The following STXBP2 variants were observed in gnomAD, a reference collection of about 807,000 sequenced individuals.
STXBP2 encodes the protein syntaxin-binding protein 2.
STXBP2 carries 47 observed loss-of-function variants against 72.2 expected under a neutral mutation model. That is an observed-to-expected ratio of 0.65 (90% CI 0.51 to 0.83). STXBP2 has a LOEUF of 0.83. Among genes scored for constraint, STXBP2 ranks in the 40% least tolerant of loss-of-function variants. The pLI, the probability that STXBP2 is intolerant of heterozygous loss-of-function variation, is 0.00. For synonymous variants in STXBP2, 367 were observed against 338.7 expected (o/e 1.08, Z -0.92); for missense variants, 702 against 807.6 (o/e 0.87, Z 1.58).
rs1441298761 is a variant in STXBP2, at chr19:7,642,307, G to A, written c.768G>A (p.Leu256=). Residue 256 remains leucine (L), a synonymous_variant, in exon 9 of 19, where the codon CTG becomes CTA. Coordinates refer to ENST00000221283, the MANE Select transcript of STXBP2 (RefSeq NM_006949.4). The surrounding 1 kb of genome is among the most constrained non-coding windows in gnomAD (Gnocchi z 6.0). Reference sequence around the variant, plus strand: ...CGTTCCAGGCCATGGCGTATGATCTGCTGGACATAGAGCAGGACACATACA... The same window carrying A: ...CGTTCCAGGCCATGGCGTATGATCTACTGGACATAGAGCAGGACACATACA... The part of the protein sequence containing the change: ...ELTFQAMAYD[L]LDIEQDTYRY... 3.1e-6 allele frequency: 5 copies of A among 1,614,026 alleles called. No homozygotes were observed. Among genetic ancestry groups the A allele is most frequent in the South Asian group, 1.1e-5 (1 of 91,086 alleles).
At chr19:7,637,023 G>A (rs1371965326), upstream of STXBP2, 1 of 1,074,200 alleles carries the variant, frequency 9.3e-7, no homozygotes, top group Non-Finnish European at 1.2e-6. Flanking sequence ...AACCGACGGC[G>A]GGGAGGGGCC....
rs539370500 is a variant in STXBP2 at position 7,640,121 on chromosome 19, CGTGTGT to C, written c.246+315_246+320del. 505 of 517,726 alleles carry C rather than the reference CGTGTGT, an allele frequency of 9.8e-4. 1 individual carries two copies. The African/African-American group carries it at 0.011, about 11-fold the overall frequency. The allele number at this position is 517,726 out of a possible 1,614,324, so 32.1% of individuals were successfully genotyped here. A position where few individuals can be genotyped will look rare whatever the true frequency, so the allele number is the denominator to read the frequency against. On this transcript the variant is annotated intron_variant, in intron 4 of 18. Coordinates refer to ENST00000221283, the MANE Select transcript of STXBP2 (RefSeq NM_006949.4). Reference sequence around the variant, plus strand: ...ATTTGTGTCTGTGCATGTGTGTATGCGTGTGTATGTATGTGTGTGTGCATCTGTGTG... The same window carrying C: ...ATTTGTGTCTGTGCATGTGTGTATGCATGTATGTGTGTGTGCATCTGTGTG...
chr19:7,644,848 T>G (rs764727794), intron 14 of STXBP2, 96 bp downstream of exon 14: 2 of 1,587,592 alleles, frequency 1.3e-6, no homozygotes, highest in South Asian at 2.3e-5. Flanking sequence ...CTTGGGTCAT[T>G]TGCACTCACC....
rs747472367 is a variant in STXBP2 at position 7,641,005 on chromosome 19, T to TACGGCCC, written c.429+3_429+9dup. On this transcript the variant is annotated splice_region_variant and intron_variant, in intron 6 of 18. Coordinates refer to ENST00000221283, the MANE Select transcript of STXBP2 (RefSeq NM_006949.4). ...GCCTTCCTCCCCTACGAGGCCCAGG[T>TACGGCCC]ACGGCCCGGGCTCATCCTGGGCAGG... The TACGGCCC allele has an allele frequency of 5.6e-6, 9 of 1,613,888 alleles. No homozygotes were observed. In the African/African-American group the frequency reaches 9.3e-5, roughly 17 times the overall value.
In STXBP2 at chr19:7,642,249, C is replaced by G; in HGVS notation, c.710C>G (p.Ala237Gly). ...CAGCTGCTGATAATGGACCGGGCAG[C>G]TGACCCCGTGTCCCCACTACTGCAT... Reference protein sequence around the residue: ...RSQLLIMDRAADPVSPLLHEL... With the variant: ...RSQLLIMDRAGDPVSPLLHEL... Residue 237 changes from alanine to glycine, a missense_variant, in exon 9 of 19, where the codon GCT becomes GGT. Ala to Gly is a moderately conservative substitution (Grantham distance 60). Coordinates refer to ENST00000221283, the MANE Select transcript of STXBP2 (RefSeq NM_006949.4). The surrounding 1 kb of genome is among the most constrained non-coding windows in gnomAD (Gnocchi z 6.0). 6.2e-6 allele frequency: 10 copies of G among 1,614,182 alleles called. No individual in the cohort carries two copies. The highest frequency in any genetic ancestry group is 8.5e-6 in the Non-Finnish European group (10 of 1,180,026).
At chr19:7,631,741 G>A in the STXBP2 span, 2 of 1,448,334 alleles carry the variant, frequency 1.4e-6, no homozygotes, top group South Asian at 1.6e-5. Flanking sequence ...GAAGCCGAGA[G>A]CGGTCGGGTC....
upstream of STXBP2, chr19:7,636,770 C>T: frequency 4.6e-6 from 1 of 216,548 alleles, no homozygotes; most frequent in Non-Finnish European, 9.1e-6. Flanking sequence ...CAGGCCCAGA[C>T]AGTGGCGGCC....
chr19:7,640,442 A>G (rs1354031246), intron 4 of STXBP2: 9 of 601,964 alleles, frequency 1.5e-5, no homozygotes, highest in African/African-American at 9.0e-5. Context: ...GTGTGTGTGC[A>G]TGTGTGTATG....
chr19:7,647,680 G>A lies in STXBP2; in HGVS notation c.1697-45G>A, dbSNP rs750534791. 4.3e-6 allele frequency: 7 copies of A among 1,610,318 alleles called. No homozygotes were observed. The Admixed American group carries it at 1.2e-4, about 27-fold the overall frequency. On this transcript the variant is annotated intron_variant, in intron 18 of 18. Transcript: ENST00000221283. The stretch of plus-strand genomic sequence containing the variant: ...GGACCGGGAGCCTGTCAAAGACGAA[G>A]GCAGCGCCCCCCAACATCTTCCCCA...
chr19:7,643,931 G>C (rs1339906551), intron 13 of STXBP2, among the ~76,000 whole-genome samples: 1 of 150,256 alleles, frequency 6.7e-6, no homozygotes, highest in Non-Finnish European at 1.5e-5. Context: ...GTAGGAGCTG[G>C]GAGACAGGTA....
upstream of STXBP2, chr19:7,632,772 C>CG (rs2031379174): frequency 6.4e-7 from 1 of 1,567,974 alleles, no homozygotes; most frequent in Non-Finnish European, 8.6e-7. The surrounding 1 kb of genome is among the most constrained non-coding windows in gnomAD (Gnocchi z 5.2). Flanking sequence ...TCCCTCCATC[C>CG]GGTCGCCCTG....
At chr19:7,633,070 T>C (rs35020672), upstream of STXBP2, 453,632 of 1,324,902 alleles carry the variant, frequency 0.34, 80,229 homozygotes, top group Non-Finnish European at 0.37. Context: ...GTGGTACCGC[T>C]TCAAGGGACA....
Position 7,644,638 on chromosome 19 carries a change from G to A in STXBP2, c.1132G>A (p.Glu378Lys). ...GGACCTGGCCATGGGCTCCGACGCA[G>A]AGGGGGAGAAGATCAAGGACTCCAT... ...EQDLAMGSDA[E>K]GEKIKDSMKL... is the part of the protein sequence containing the mutation. The change falls in exon 14 of 19, where the codon GAG (glutamate) becomes AAG (lysine). Residue 378 changes from glutamate to lysine, a missense_variant. Coordinates refer to ENST00000221283, the MANE Select transcript of STXBP2 (RefSeq NM_006949.4). The A allele has an allele frequency of 1.2e-6, 2 of 1,613,310 alleles. No homozygotes were observed. The highest frequency in any genetic ancestry group is 1.7e-6 in the Non-Finnish European group (2 of 1,179,820).
chr19:7,642,387 C>T lies in STXBP2; in HGVS notation c.795-42C>T. On this transcript the variant is annotated intron_variant, in intron 9 of 18. Transcript: ENST00000221283. This position sits in a 1 kb window ranked among gnomAD's most constrained non-coding sequence, Gnocchi z 6.0. ...CTTGCCACTGACCTGGTTCCCCAGTCCTCAGCTCCCCTGACCCCCAGGCTC... is the reference window on the plus strand; with the variant it reads ...CTTGCCACTGACCTGGTTCCCCAGTTCTCAGCTCCCCTGACCCCCAGGCTC... The T allele has an allele frequency of 1.2e-6, 2 of 1,613,380 alleles. No individual in the cohort carries two copies. Among genetic ancestry groups the T allele is most frequent in the Non-Finnish European group, 1.7e-6 (2 of 1,179,398 alleles).
chr19:7,641,991 C>T, intron 7 of STXBP2, 43 bp from the exon 8 acceptor site: 1 of 1,611,956 alleles, frequency 6.2e-7, no homozygotes, highest in Non-Finnish European at 8.5e-7. Flanking sequence ...CATCCTTGAC[C>T]CCATCCCCTG....
chr19:7,637,308 G>C, intron 1 of STXBP2, 122 bp downstream of exon 1: 1 of 643,118 alleles, frequency 1.6e-6, no homozygotes, highest in Non-Finnish European at 2.0e-6. Flanking sequence ...GGGCGTCCGA[G>C]CACCTGACCC....
chr19:7,638,952 C>T, intron 2 of STXBP2, 67 bp from the exon 3 acceptor site: 1 of 1,602,772 alleles, frequency 6.2e-7, no homozygotes. Context: ...CTGCCTTGGC[C>T]CCTTCTGGGG....
In STXBP2 at chr19:7,642,067, C is replaced by T. The variant is rs113033216; in HGVS notation, c.612C>T (p.Ala204=). The T allele has an allele frequency of 4.1e-5, 66 of 1,614,070 alleles. No individual in the cohort carries two copies. The highest frequency in any genetic ancestry group is 5.4e-5 in the Non-Finnish European group (64 of 1,179,990). Reference sequence around the variant, plus strand: ...AGGACACAGCCCAGTTGGCCCACGCCGTCCTGGCCAAGCTGAACGCCTTCA... The same window carrying T: ...AGGACACAGCCCAGTTGGCCCACGCTGTCCTGGCCAAGCTGAACGCCTTCA... ...GPEDTAQLAH[A]VLAKLNAFKA... The change falls in exon 8 of 19, where the codon GCC becomes GCT. Residue 204 remains alanine, a synonymous_variant. Coordinates refer to ENST00000221283, the MANE Select transcript of STXBP2 (RefSeq NM_006949.4). This position sits in a 1 kb window ranked among gnomAD's most constrained non-coding sequence, Gnocchi z 6.0.
chr19:7,642,001 G>A lies in STXBP2; in HGVS notation c.579-33G>A, dbSNP rs2031903970. ...AAACCCATCCTTGACCCCATCCCCT[G>A]ATGATGTCCCCCGTGTCTGACCTCC... On this transcript the variant is annotated intron_variant, in intron 7 of 18. Coordinates refer to ENST00000221283, the MANE Select transcript of STXBP2 (RefSeq NM_006949.4). This position sits in a 1 kb window ranked among gnomAD's most constrained non-coding sequence, Gnocchi z 6.0. The A allele has an allele frequency of 6.2e-7, 1 of 1,613,330 alleles. No homozygotes were observed. The highest frequency in any genetic ancestry group is 8.5e-7 in the Non-Finnish European group (1 of 1,179,494).
Sources: gnomAD v4.1 joint callset for allele counts (sites outside exome capture counted in the v4.1 genomes callset) on GRCh38, gnomAD v4.1.1 for gene constraint, Gnocchi (gnomAD v3.1) non-coding constraint, MANE v1.5 for transcripts, NCBI Gene and HGNC (gene_info 2026-07-23, HGNC 2026-07-21) for gene names.